The following CREG2 variants were observed in gnomAD, a reference collection of about 807,000 sequenced individuals.
CREG2 encodes the protein cellular repressor of E1A stimulated genes 2.
In CREG2, 24 loss-of-function variants were observed where a neutral mutation model predicts 26.2. The ratio of observed to expected loss-of-function variants is 0.92; its 90% CI spans 0.66 to 1.29. CREG2 has a LOEUF of 1.29. Among genes scored for constraint, CREG2 ranks in the 50% most tolerant of loss-of-function variants. The probability of loss-of-function intolerance (pLI) is 0.00; values close to 1 mark genes in which losing one functional copy is unlikely to be tolerated. For missense variants in CREG2, 366 were observed against 398.6 expected (o/e 0.92, Z 0.70); for synonymous variants, 174 against 169.2 (o/e 1.03, Z -0.22).
intron 1 of CREG2, among the ~76,000 whole-genome samples, chr2:101,385,245 C>T (rs188996069): frequency 4.6e-5 from 7 of 152,246 alleles, no homozygotes; most frequent in Non-Finnish European, 7.4e-5. Context: ...TTCAGTGGCA[C>T]GATTTTGGCT....
chr2:101,378,685 A>T (rs2104483936), intron 2 of CREG2, among the ~76,000 whole-genome samples: 1 of 152,204 alleles, frequency 6.6e-6, no homozygotes, highest in South Asian at 2.1e-4. Flanking sequence ...GAAAAGTGAC[A>T]CCCTGAACCG....
intron 2 of CREG2, among the ~76,000 whole-genome samples, chr2:101,375,408 C>T (rs1452455613): frequency 6.6e-5 from 10 of 152,178 alleles, no homozygotes; most frequent in African/African-American, 1.9e-4. Context: ...GGGGCAGGGA[C>T]GCCTTCATCC....
chr2:101,381,868 G>C (rs1173075317), intron 2 of CREG2, among the ~76,000 whole-genome samples: 1 of 152,194 alleles, frequency 6.6e-6, no homozygotes, highest in Non-Finnish European at 1.5e-5. Flanking sequence ...GCTCTAGGCT[G>C]TGCAGGCAAG....
rs960136669 is a variant in CREG2 at position 101,347,055 on chromosome 2, T to C, written c.*3868A>G. 3 of 152,254 alleles carry C rather than the reference T, an allele frequency of 2.0e-5. No individual in the cohort carries two copies. The highest frequency in any genetic ancestry group is 6.5e-5 in the Admixed American group (1 of 15,286). The allele number at this position is 152,254 out of a possible 1,614,324, so 9.4% of individuals were successfully genotyped here. ...TATAATTTTGCATTTCAAAATGTTA[T>C]GTAAATGGAATCATACAGTGTGCAA... On this transcript the variant is annotated 3_prime_UTR_variant, in exon 4 of 4. Transcript: ENST00000324768.
intron 2 of CREG2, among the ~76,000 whole-genome samples, chr2:101,374,112 C>G (rs533270785): frequency 6.6e-6 from 1 of 152,358 alleles, no homozygotes; most frequent in African/African-American, 2.4e-5. Context: ...AAGAGCTATC[C>G]GCCAGGTGTG....
At position 101,349,486 on chromosome 2, in the gene CREG2, G is replaced by C. The variant is rs1275582366; in HGVS notation, c.*1437C>G. 2 of 152,562 alleles carry C rather than the reference G, an allele frequency of 1.3e-5. No individual in the cohort carries two copies. The highest frequency in any genetic ancestry group is 2.9e-5 in the Non-Finnish European group (2 of 68,028). The allele number at this position is 152,562 out of a possible 1,614,324, so 9.5% of individuals were successfully genotyped here. On this transcript the variant is annotated 3_prime_UTR_variant, in exon 4 of 4. Coordinates refer to ENST00000324768, the MANE Select transcript of CREG2 (RefSeq NM_153836.4). ...AAAATGTATATTTCCTACATATAGT[G>C]ATGTGTTTTTTATGTTATACAACCT...
chr2:101,373,155 A>G (rs554016415), intron 2 of CREG2, among the ~76,000 whole-genome samples: 8 of 152,372 alleles, frequency 5.3e-5, no homozygotes, highest in African/African-American at 1.9e-4. Flanking sequence ...AAACTTGTCC[A>G]TGAATGCTCA....
chr2:101,371,603 C>G (rs964285560), intron 2 of CREG2, among the ~76,000 whole-genome samples: 1 of 152,228 alleles, frequency 6.6e-6, no homozygotes, highest in Admixed American at 6.5e-5. Context: ...CAGGGCCCTT[C>G]CAGGCCATAA....
intron 3 of CREG2, among the ~76,000 whole-genome samples, chr2:101,351,716 C>T (rs2104468052): frequency 6.6e-6 from 1 of 152,272 alleles, no homozygotes; most frequent in Non-Finnish European, 1.5e-5. Context: ...CCTAAACACG[C>T]TGCAGTATCG....
rs1261396089 is a variant in CREG2 at position 101,351,033 on chromosome 2, A to T, written c.763T>A (p.Trp255Arg). Residue 255 changes from tryptophan (W) to arginine (R), a missense_variant, in exon 4 of 4, where the codon TGG becomes AGG. Physicochemically the swap from Trp to Arg is moderately radical, Grantham distance 101 (BLOSUM62 -3). This residue lies in a region of CREG2 where 174 missense variants were observed against 178.2 expected (regional missense o/e 0.98). Transcript: ENST00000324768. ...GMRKWPRQYE[W>R]FFMKMRIEHI... ...TCTATCCTCATCTTCATAAAGAACC[A>T]TTCATATTGACGAGGCCACTTCCTC... 1 of 1,614,142 alleles carries T rather than the reference A, an allele frequency of 6.2e-7. No homozygotes were observed. Among genetic ancestry groups the T allele is most frequent in the South Asian group, 1.1e-5 (1 of 91,074 alleles).
chr2:101,385,420 A>T (rs1684953107), intron 1 of CREG2, among the ~76,000 whole-genome samples: 2 of 152,126 alleles, frequency 1.3e-5, no homozygotes, highest in Non-Finnish European at 2.9e-5. Flanking sequence ...ACCTCAAGTG[A>T]TCTGCCCGCC....
At position 101,387,347 on chromosome 2, in the gene CREG2, G is replaced by C. The variant is rs758474796; in HGVS notation, c.111C>G (p.Ser37=). ...SPAAGYVIVS[S]VSWAVTNEVD... ...CCTCGTTGGTGACGGCCCAAGACAC[G>C]GAGCTCACGATCACGTAGCCCGCGG... The change falls in exon 1 of 4, where the codon TCC becomes TCG. Residue 37 remains serine (S), a synonymous_variant. Transcript: ENST00000324768. The surrounding 1 kb of genome is among the most constrained non-coding windows in gnomAD (Gnocchi z 4.7). The C allele has an allele frequency of 2.0e-6, 3 of 1,492,114 alleles. No individual in the cohort carries two copies. The highest frequency in any genetic ancestry group is 2.7e-6 in the Non-Finnish European group (3 of 1,114,908). The allele number at this position is 1,492,114 out of a possible 1,614,324, so 92.4% of individuals were successfully genotyped here. A position where few individuals can be genotyped will look rare whatever the true frequency, so the allele number is the denominator to read the frequency against.
chr2:101,378,693 C>T (rs558878570), intron 2 of CREG2, among the ~76,000 whole-genome samples: 1 of 152,260 alleles, frequency 6.6e-6, no homozygotes, highest in East Asian at 1.9e-4. Context: ...ACACCCTGAA[C>T]CGGCCGGGTA....
chr2:101,387,016 C>A lies in CREG2; in HGVS notation c.441+1G>T. On this transcript the variant is annotated splice_donor_variant, in intron 1 of 3. Coordinates refer to ENST00000324768, the MANE Select transcript of CREG2 (RefSeq NM_153836.4). LOFTEE classifies it high-confidence loss of function. The surrounding 1 kb of genome is among the most constrained non-coding windows in gnomAD (Gnocchi z 4.7). ...CCTCGCGCTCCCCGCCGGGCGCTCA[C>A]CTTCTTGTGGGTGGACACGGTGGCC... 1 of 1,232,620 alleles carries A rather than the reference C, an allele frequency of 8.1e-7. No homozygotes were observed. Among genetic ancestry groups the A allele is most frequent in the Non-Finnish European group, 1.0e-6 (1 of 988,938 alleles). 76.4% of individuals were successfully genotyped at this position (1,232,620 alleles called of 1,614,324 possible). A position where few individuals can be genotyped will look rare whatever the true frequency, so the allele number is the denominator to read the frequency against.
intron 3 of CREG2, among the ~76,000 whole-genome samples, chr2:101,351,996 C>T (rs1465793035): frequency 6.6e-6 from 1 of 151,996 alleles, no homozygotes; most frequent in African/African-American, 2.4e-5. Flanking sequence ...AGCGATCCTC[C>T]TGCCTCAGCC....
chr2:101,372,526 G>T lies in CREG2; in HGVS notation c.611+11007C>A, dbSNP rs560125414. Among the ~76,000 whole-genome samples the T allele has an allele frequency of 5.5e-4, 84 of 152,234 alleles. No homozygotes were observed. In the Middle Eastern group the frequency reaches 0.01, roughly 18 times the overall value. On this transcript the variant is annotated intron_variant, in intron 2 of 3. Transcript: ENST00000324768. ...TTTCTTACCATTTCTACACACTAGAGAACTTAGGTACACTTCTTTGTCATC... is the reference window on the plus strand; with the variant it reads ...TTTCTTACCATTTCTACACACTAGATAACTTAGGTACACTTCTTTGTCATC...
intron 1 of CREG2, among the ~76,000 whole-genome samples, chr2:101,384,049 G>A (rs1054147754): frequency 2.0e-5 from 3 of 152,174 alleles, no homozygotes; most frequent in Admixed American, 6.5e-5. Context: ...ATGGGAGGTG[G>A]TGCTAAGCCT....
chr2:101,372,462 C>T (rs1476957964), intron 2 of CREG2, among the ~76,000 whole-genome samples: 1 of 152,198 alleles, frequency 6.6e-6, no homozygotes, highest in Non-Finnish European at 1.5e-5. Context: ...CTCCCAAATT[C>T]CTTTCAGTTA....
intron 3 of CREG2, among the ~76,000 whole-genome samples, chr2:101,354,713 A>G (rs1225842495): frequency 6.6e-6 from 1 of 152,152 alleles, no homozygotes; most frequent in Non-Finnish European, 1.5e-5. Flanking sequence ...GTGGACCCCT[A>G]CAGCAGTAGT....
Sources: gnomAD v4.1 joint callset for allele counts (sites outside exome capture counted in the v4.1 genomes callset) on GRCh38, gnomAD v4.1.1 for gene constraint, gnomAD v4.1.1 regional missense constraint, Gnocchi (gnomAD v3.1) non-coding constraint, MANE v1.5 for transcripts, NCBI Gene and HGNC (gene_info 2026-07-23, HGNC 2026-07-21) for gene names.